The following RGMA variants were observed in gnomAD, a reference collection of about 807,000 sequenced individuals.
RGMA encodes repulsive guidance molecule BMP co-receptor a.
In RGMA, 10 loss-of-function variants were observed where a neutral mutation model predicts 23.2. That is an observed-to-expected ratio of 0.43 (90% confidence interval 0.27 to 0.73). The LOEUF (loss-of-function observed/expected upper bound fraction) is 0.73. RGMA is among the 30% of genes least tolerant of loss of function. The pLI, the probability that RGMA is intolerant of heterozygous loss-of-function variation, is 0.20. For missense variants in RGMA, 547 were observed against 630.5 expected, an observed-to-expected ratio of 0.87 and a Z score of 1.42; for synonymous variants, 308 against 279.3, an observed-to-expected ratio of 1.10 and a Z score of -1.03.
intron 2 of RGMA, among the ~76,000 whole-genome samples, chr15:93,072,553 A>G (rs1895363923): frequency 6.6e-6 from 1 of 151,904 alleles, no homozygotes; most frequent in Non-Finnish European, 1.5e-5. Context: ...AGCTGAAGAA[A>G]GTGTCCCCAG....
Position 93,043,169 on chromosome 15 carries a change from C to G in RGMA, c.*1829G>C, listed in dbSNP as rs764516604. The G allele has an allele frequency of 6.6e-6, 1 of 152,346 alleles. No individual in the cohort carries two copies. The highest frequency in any genetic ancestry group is 1.9e-4 in the East Asian group (1 of 5,202). The allele number at this position is 152,346 out of a possible 1,614,324, so 9.4% of individuals were successfully genotyped here. On this transcript the variant is annotated 3_prime_UTR_variant, in exon 4 of 4. Transcript: ENST00000329082. ...CACCATTCTCACGCACATACACATGCGCACACACATGCCTACATGCACACA... is the reference window on the plus strand; with the variant it reads ...CACCATTCTCACGCACATACACATGGGCACACACATGCCTACATGCACACA...
chr15:93,061,128 G>A (rs372865162), intron 2 of RGMA, among the ~76,000 whole-genome samples: 4 of 152,144 alleles, frequency 2.6e-5, no homozygotes, highest in South Asian at 2.1e-4. Flanking sequence ...TCGTCCTGGC[G>A]TCCATACTCC....
chr15:93,073,180 C>CG (rs926132572), intron 1 of RGMA, 149 bp from the exon 2 acceptor site: 83 of 1,234,434 alleles, frequency 6.7e-5, no homozygotes, highest in Non-Finnish European at 8.3e-5. Context: ...CGCCGCCCCC[C>CG]GCGCGCCCCT....
chr15:93,052,596 C>T (rs1350675460), intron 2 of RGMA, 89 bp from the exon 3 acceptor site: 34 of 1,365,304 alleles, frequency 2.5e-5, no homozygotes, highest in Non-Finnish European at 3.3e-5. Flanking sequence ...AGCAGCCACA[C>T]ATCGCCTCAT....
intron 3 of RGMA, among the ~76,000 whole-genome samples, chr15:93,046,245 A>G (rs529611315): frequency 1.1e-3 from 170 of 152,274 alleles, no homozygotes; most frequent in African/African-American, 3.7e-3. Flanking sequence ...AGATTTGACT[A>G]ACTAGGACAG....
At chr15:93,049,780 G>A (rs1198289009) in intron 3 of RGMA, among the ~76,000 whole-genome samples, 3 of 152,236 alleles carry the variant, frequency 2.0e-5, no homozygotes, top group Non-Finnish European at 4.4e-5. Context: ...CTGAGGAGAG[G>A]CCCTCAAGGG....
chr15:93,056,637 G>A (rs971020713), intron 2 of RGMA, among the ~76,000 whole-genome samples: 3 of 152,152 alleles, frequency 2.0e-5, no homozygotes, highest in African/African-American at 7.2e-5. Context: ...GGTGAGGTGA[G>A]CTCCGTGCCC....
chr15:93,051,277 G>A (rs529388447), intron 3 of RGMA, among the ~76,000 whole-genome samples: 64 of 152,266 alleles, frequency 4.2e-4, no homozygotes, highest in African/African-American at 1.5e-3. Context: ...GGCACTGCCC[G>A]ACACACGGCC....
chr15:93,085,244 A>G (rs943721456), intron 1 of RGMA, among the ~76,000 whole-genome samples: 3 of 152,152 alleles, frequency 2.0e-5, no homozygotes, highest in Non-Finnish European at 4.4e-5. Context: ...ATATAAGGAG[A>G]AGCCACAACA....
chr15:93,067,404 G>A (rs1895192714), intron 2 of RGMA, among the ~76,000 whole-genome samples: 1 of 152,124 alleles, frequency 6.6e-6, no homozygotes, highest in Admixed American at 6.6e-5. Flanking sequence ...GGTGGGTGGA[G>A]AAAAGAAGGG....
At chr15:93,064,894 C>A (rs1273432934) in intron 2 of RGMA, among the ~76,000 whole-genome samples, 1 of 152,170 alleles carries the variant, frequency 6.6e-6, no homozygotes, top group Non-Finnish European at 1.5e-5. Context: ...AATGCATATC[C>A]TCATCATATC....
chr15:93,087,089 G>A (rs1567197934), intron 1 of RGMA, among the ~76,000 whole-genome samples: 1 of 152,164 alleles, frequency 6.6e-6, no homozygotes, highest in Non-Finnish European at 1.5e-5. Flanking sequence ...ACACCTGGGA[G>A]GGAAATAATG....
intron 1 of RGMA, chr15:93,088,613 G>T: frequency 9.5e-7 from 1 of 1,054,598 alleles, no homozygotes; most frequent in Non-Finnish European, 1.2e-6. Flanking sequence ...GCCGGGCTGA[G>T]GGAAGGAGCT....
At chr15:93,080,379 T>C (rs1396685096) in intron 1 of RGMA, among the ~76,000 whole-genome samples, 1 of 151,986 alleles carries the variant, frequency 6.6e-6, no homozygotes, top group Non-Finnish European at 1.5e-5. Flanking sequence ...TCTTTGGTAT[T>C]TTTTGTGGAG....
chr15:93,073,053 A>AC, intron 1 of RGMA, 22 bp from the exon 2 acceptor site: 1 of 1,442,174 alleles, frequency 6.9e-7, no homozygotes, highest in East Asian at 2.8e-5. Flanking sequence ...GTTCAGAAAA[A>AC]AAGAAGAAAA....
intron 2 of RGMA, among the ~76,000 whole-genome samples, chr15:93,059,006 G>A (rs796185831): frequency 5.5e-5 from 6 of 108,868 alleles, no homozygotes; most frequent in African/African-American, 2.1e-4. Flanking sequence ...CTTTCCTGTT[G>A]GATCCTCGCT....
chr15:93,052,167 G>T lies in RGMA; in HGVS notation c.471C>A (p.Thr157=). Residue 157 remains threonine, a synonymous_variant, in exon 3 of 4, where the codon ACC becomes ACA. Coordinates refer to ENST00000329082, the MANE Select transcript of RGMA (RefSeq NM_020211.3). The stretch of plus-strand genomic sequence containing the variant: ...AGAGGCCACAGTGCGTGTAGTTGGG[G>T]GTGGCCGAGTGCTTGTGAAAGCTCT... ...YEKSFHKHSA[T]PNYTHCGLFG... 6.2e-7 allele frequency: 1 copy of T among 1,613,530 alleles called. No individual in the cohort carries two copies.
chr15:93,081,268 G>A (rs1408549073), intron 1 of RGMA, among the ~76,000 whole-genome samples: 4 of 152,126 alleles, frequency 2.6e-5, no homozygotes, highest in Admixed American at 2.0e-4. Flanking sequence ...TAACTAACCA[G>A]CCTTGCCCAC....
rs558001767 is a variant in RGMA at position 93,036,925 on chromosome 15, G to T, written c.*8073C>A. ...TTGTGAAATTTGACAAAGCAATGCAGGACTCGTTTCTATTTCCCAAGGAGG... is the reference window on the plus strand; with the variant it reads ...TTGTGAAATTTGACAAAGCAATGCATGACTCGTTTCTATTTCCCAAGGAGG... On this transcript the variant is annotated 3_prime_UTR_variant, in exon 4 of 4. Transcript: ENST00000329082. 1 of 152,236 alleles carries T rather than the reference G, an allele frequency of 6.6e-6. No homozygotes were observed. The highest frequency in any genetic ancestry group is 2.4e-5 in the African/African-American group (1 of 41,448). The allele number at this position is 152,236 out of a possible 1,614,324, so 9.4% of individuals were successfully genotyped here.
Sources: gnomAD v4.1 joint callset for allele counts (sites outside exome capture counted in the v4.1 genomes callset) on GRCh38, gnomAD v4.1.1 for gene constraint, MANE v1.5 for transcripts, NCBI Gene and HGNC (gene_info 2026-07-23, HGNC 2026-07-21) for gene names.